Variants in TTC39C observed in about 807,000 individuals in gnomAD.
The protein encoded by TTC39C is tetratricopeptide repeat domain 39C, also known as tetratricopeptide repeat protein 39C.
A neutral mutation model predicts 76.3 loss-of-function variants in TTC39C; 33 were observed. That is an observed-to-expected ratio of 0.43 (90% CI 0.33 to 0.58). TTC39C has a LOEUF of 0.58. TTC39C is among the 20% of genes least tolerant of loss of function. The pLI, the probability that TTC39C is intolerant of heterozygous loss-of-function variation, is 0.04. For missense variants in TTC39C, 595 were observed against 701.4 expected (o/e 0.85, Z 1.71); for synonymous variants, 254 against 260.6 (o/e 0.97, Z 0.24).
intron 10 of TTC39C, among the ~76,000 whole-genome samples, chr18:24,126,898 C>G (rs1292094747): frequency 2.0e-5 from 3 of 152,104 alleles, no homozygotes; most frequent in Non-Finnish European, 4.4e-5. Flanking sequence ...AAATGTCTAA[C>G]TCAAAGGAAC....
chr18:24,075,913 A>G (rs2084302212), intron 4 of TTC39C, among the ~76,000 whole-genome samples: 1 of 152,158 alleles, frequency 6.6e-6, no homozygotes, highest in African/African-American at 2.4e-5. Context: ...GCCCTTTCCC[A>G]GGGAAGACTT....
At chr18:24,023,963 TATATATATATATATATAC>T (rs1568408820) in intron 1 of TTC39C, among the ~76,000 whole-genome samples, 9 of 10,278 alleles carry the variant, frequency 8.8e-4, no homozygotes, top group Non-Finnish European at 3.2e-3. Context: ...TATATATATA[TATATATATATATATATAC>T]ATATATATAT....
At chr18:24,104,669 C>T (rs1219177384) in intron 6 of TTC39C, among the ~76,000 whole-genome samples, 8 of 146,692 alleles carry the variant, frequency 5.5e-5, no homozygotes, top group African/African-American at 1.0e-4. Flanking sequence ...CAGTGCCCAG[C>T]GCTTAGGGAG....
intron 1 of TTC39C, among the ~76,000 whole-genome samples, chr18:24,020,615 T>C (rs2083507358): frequency 1.3e-5 from 2 of 152,244 alleles, no homozygotes; most frequent in Non-Finnish European, 2.9e-5. Flanking sequence ...TCCTCCCATA[T>C]ACCTGAAATC....
At chr18:24,096,380 G>A (rs2145782797) in intron 6 of TTC39C, among the ~76,000 whole-genome samples, 1 of 152,262 alleles carries the variant, frequency 6.6e-6, no homozygotes, top group East Asian at 1.9e-4. Flanking sequence ...CTTTCATTGT[G>A]AGAATTAACA....
intron 1 of TTC39C, among the ~76,000 whole-genome samples, chr18:24,039,807 A>G (rs1463364231): frequency 6.6e-6 from 1 of 152,232 alleles, no homozygotes; most frequent in Non-Finnish European, 1.5e-5. Context: ...TATAGGAGGT[A>G]GATTCAGCAG....
chr18:24,119,963 T>TCCC (rs11429659), intron 8 of TTC39C, among the ~76,000 whole-genome samples: 67 of 146,978 alleles, frequency 4.6e-4, no homozygotes, highest in Admixed American at 8.2e-4. Flanking sequence ...GAACATTAAT[T>TCCC]CCCCCCCCCC....
Position 24,083,023 on chromosome 18 carries a change from C to T in TTC39C, c.926C>T (p.Ala309Val), listed in dbSNP as rs893759271. ...EAKEILLKKE[A>V]AYPNSSLFMF... is the part of the protein sequence containing the mutation. ...AAGGAAATTCTCCTTAAAAAAGAAG[C>T]TGCTTATCCAAATTCTTCCCTCTTT... The change falls in exon 6 of 14, where the codon GCT becomes GTT. Residue 309 changes from alanine (A) to valine (V), a missense_variant. By Grantham distance (64) the Ala-to-Val change is moderately conservative. Coordinates refer to ENST00000317571, the MANE Select transcript of TTC39C (RefSeq NM_001135993.2). 5 of 1,613,970 alleles carry T rather than the reference C, an allele frequency of 3.1e-6. No homozygotes were observed. The highest frequency in any genetic ancestry group is 3.4e-6 in the Non-Finnish European group (4 of 1,179,982).
intron 1 of TTC39C, among the ~76,000 whole-genome samples, chr18:24,045,921 A>ATG (rs2083872307): frequency 5.5e-5 from 1 of 18,080 alleles, no homozygotes; most frequent in Non-Finnish European, 9.6e-5. Flanking sequence ...ATATATATAT[A>ATG]TATATATTTT....
At chr18:24,001,941 T>A (rs1006225304) in intron 1 of TTC39C, among the ~76,000 whole-genome samples, 1 of 149,740 alleles carries the variant, frequency 6.7e-6, no homozygotes, top group Non-Finnish European at 1.5e-5. Context: ...TTCTCCTGCC[T>A]CAGCCTCCCG....
intron 7 of TTC39C, among the ~76,000 whole-genome samples, 190 bp from the exon 8 acceptor site, chr18:24,117,935 G>A (rs942502373): frequency 6.6e-6 from 1 of 152,090 alleles, no homozygotes; most frequent in Non-Finnish European, 1.5e-5. Flanking sequence ...TAAGTGCCTT[G>A]TCAAATTCAA....
chr18:24,019,964 TA>T, intron 1 of TTC39C: 2 of 1,483,476 alleles, frequency 1.3e-6, no homozygotes, highest in Non-Finnish European at 8.9e-7. Flanking sequence ...CTTCTCTGCC[TA>T]AAACCATGTC....
intron 1 of TTC39C, chr18:24,022,505 C>T (rs753559828): frequency 2.0e-4 from 193 of 956,508 alleles, no homozygotes; most frequent in Non-Finnish European, 2.3e-4. Context: ...GCTCCAGAGT[C>T]TGGGTGTGAC....
At chr18:24,032,614 A>T (rs2083684121) in intron 1 of TTC39C, among the ~76,000 whole-genome samples, 1 of 152,244 alleles carries the variant, frequency 6.6e-6, no homozygotes, top group Non-Finnish European at 1.5e-5. Context: ...AATTTTCTGC[A>T]TGAAACAAAG....
At chr18:24,131,953 C>T in intron 13 of TTC39C, 33 bp downstream of exon 13, 1 of 1,600,552 alleles carries the variant, frequency 6.2e-7, no homozygotes, top group Non-Finnish European at 8.6e-7. Context: ...TCTCCAGTGG[C>T]CCTTCTTATC....
chr18:24,021,134 AAGAG>A (rs1301577479), intron 1 of TTC39C, among the ~76,000 whole-genome samples: 2 of 152,132 alleles, frequency 1.3e-5, no homozygotes, highest in African/African-American at 4.8e-5. Context: ...ACTCAGGGAG[AAGAG>A]AGAGTGTCAA....
intron 1 of TTC39C, among the ~76,000 whole-genome samples, chr18:24,021,845 C>G (rs1033418608): frequency 6.6e-6 from 1 of 152,164 alleles, no homozygotes. Flanking sequence ...GAGAAAGCCC[C>G]TAGAGAGTCA....
intron 1 of TTC39C, among the ~76,000 whole-genome samples, chr18:24,063,372 T>C (rs1436221527): frequency 6.6e-6 from 1 of 152,206 alleles, no homozygotes; most frequent in Non-Finnish European, 1.5e-5. Context: ...CTAGAAACTA[T>C]ACTGATTTTC....
intron 10 of TTC39C, among the ~76,000 whole-genome samples, chr18:24,125,836 A>AT (rs1156446990): frequency 2.0e-5 from 3 of 152,154 alleles, no homozygotes; most frequent in South Asian, 2.1e-4. Flanking sequence ...GGAAGCATAC[A>AT]TTTTTTCTCC....
Sources: allele counts gnomAD v4.1 joint callset (sites outside exome capture counted in the v4.1 genomes callset), GRCh38; gene constraint gnomAD v4.1.1; transcripts MANE v1.5; gene names NCBI Gene and HGNC (gene_info 2026-07-23, HGNC 2026-07-21).